LBHD1: variants seen among roughly 807,000 people sequenced by gnomAD.
LBHD1 encodes the protein LBH domain containing 1, also known as LBH domain-containing protein 1.
LBHD1 carries 28 observed loss-of-function variants against 31.1 expected under a neutral mutation model. The observed-to-expected ratio is 0.90, with a 90% CI of 0.67 to 1.24. The LOEUF (loss-of-function observed/expected upper bound fraction) is 1.24, where lower values mean the gene tolerates loss of function less well. Among genes scored for constraint, LBHD1 ranks in the 50% most tolerant of loss-of-function variants. The pLI, the probability that LBHD1 is intolerant of heterozygous loss-of-function variation, is 0.00. For missense variants in LBHD1, 350 were observed against 323.0 expected, an observed-to-expected ratio of 1.08 and a Z score of -0.64; for synonymous variants, 105 against 116.5, an observed-to-expected ratio of 0.90 and a Z score of 0.63.
At position 62,667,595 on chromosome 11, in the gene LBHD1, A is replaced by T. The variant is rs1237842935; in HGVS notation, c.466T>A (p.Ser156Thr). 1 of 1,614,162 alleles carries T rather than the reference A, an allele frequency of 6.2e-7. No individual in the cohort carries two copies. Among genetic ancestry groups the T allele is most frequent in the Admixed American group, 1.7e-5 (1 of 60,004 alleles). ...EATNHCPFWDSTGSRVCRSGF... is the reference protein window; with the variant it reads ...EATNHCPFWDTTGSRVCRSGF... Reference sequence around the variant, plus strand: ...CTTCTACAAACACGGGAGCCTGTTGAGTCCCAGAAGGGACAGTGGTTGGTG... The same window carrying T: ...CTTCTACAAACACGGGAGCCTGTTGTGTCCCAGAAGGGACAGTGGTTGGTG... Residue 156 changes from serine to threonine, a missense_variant, in exon 4 of 7, where the codon TCA (serine) becomes ACA (threonine). Ser to Thr is a moderately conservative substitution (Grantham distance 58). Coordinates refer to ENST00000354588, the MANE Select transcript of LBHD1 (RefSeq NM_024099.5).
rs750641923 is a variant in LBHD1 at position 62,666,748 on chromosome 11, C to T, written c.538+775G>A. 8.7e-6 allele frequency: 14 copies of T among 1,614,070 alleles called. No individual in the cohort carries two copies. In the Admixed American group the frequency reaches 1.5e-4, roughly 17 times the overall value. On this transcript the variant is annotated intron_variant, in intron 4 of 6. Coordinates refer to ENST00000354588, the MANE Select transcript of LBHD1 (RefSeq NM_024099.5). ...GACACCCTGCCTCAAGCCTCCACTT[C>T]ATGCACGCCGATGCTCAGAACCTGG...
chr11:62,671,679 A>G lies in LBHD1; in HGVS notation c.-126T>C, dbSNP rs1301478358. 4 of 1,595,384 alleles carry G rather than the reference A, an allele frequency of 2.5e-6. No individual in the cohort carries two copies. The highest frequency in any genetic ancestry group is 1.7e-5 in the Admixed American group (1 of 58,832). ...CTAGCCTGCGCCAAGGGGTAGTGAG[A>G]CCGCGCGGCAACAGCTTGCGGCTGC... On this transcript the variant is annotated 5_prime_UTR_variant, in exon 1 of 7. Transcript: ENST00000354588.
intron 5 of LBHD1, among the ~76,000 whole-genome samples, chr11:62,664,557 C>T (rs977344455): frequency 1.3e-5 from 2 of 152,020 alleles, no homozygotes; most frequent in African/African-American, 4.8e-5. Context: ...TCTCGAACTC[C>T]CGACCTCAGG....
In LBHD1 at chr11:62,672,081, C is replaced by A; in HGVS notation, c.-528G>T. The A allele has an allele frequency of 1.3e-6, 2 of 1,598,286 alleles. No homozygotes were observed. Among genetic ancestry groups the A allele is most frequent in the East Asian group, 2.3e-5 (1 of 44,326 alleles). ...CCTGGAGGAAGAACTGGATGGTTGG[C>A]GGCGAAGGCGGCGCCGGCGGGAGGT... On this transcript the variant is annotated 5_prime_UTR_variant, in exon 1 of 7. Transcript: ENST00000354588.
chr11:62,667,166 T>C (rs1944842832), intron 4 of LBHD1: 1 of 1,087,854 alleles, frequency 9.2e-7, no homozygotes, highest in South Asian at 1.6e-5. Context: ...CTTCCACATT[T>C]ACTAGCTGGG....
chr11:62,666,906 C>T lies in LBHD1; in HGVS notation c.538+617G>A, dbSNP rs1399341376. 4 of 1,613,830 alleles carry T rather than the reference C, an allele frequency of 2.5e-6. No homozygotes were observed. In the East Asian group the frequency reaches 8.9e-5, roughly 36 times the overall value. ...TTGAGGGTTCTAAACCCTCAGGGGA[C>T]CCTGATTCAGTTCTCAGATGAGGAC... On this transcript the variant is annotated intron_variant, in intron 4 of 6. Coordinates refer to ENST00000354588, the MANE Select transcript of LBHD1 (RefSeq NM_024099.5).
chr11:62,663,336 G>C lies in LBHD1; in HGVS notation c.664-3C>G. ...TAATGTTGGCACGTGCACTGGACCT[G>C]ATGGGTAAGTGGAAATAAAGAGAGC... On this transcript the variant is annotated splice_polypyrimidine_tract_variant and splice_region_variant and intron_variant, in intron 5 of 6. Transcript: ENST00000354588. The C allele has an allele frequency of 1.2e-6, 2 of 1,613,164 alleles. No homozygotes were observed. Among genetic ancestry groups the C allele is most frequent in the Non-Finnish European group, 1.7e-6 (2 of 1,179,560 alleles).
intron 4 of LBHD1, chr11:62,665,492 C>G (rs975118350): frequency 1.3e-6 from 2 of 1,573,944 alleles, no homozygotes; most frequent in East Asian, 4.6e-5. Flanking sequence ...AGGGAAAGGG[C>G]TCTGGCCCCC....
chr11:62,668,952 A>T (rs1410554081), intron 3 of LBHD1, among the ~76,000 whole-genome samples: 4 of 151,786 alleles, frequency 2.6e-5, no homozygotes, highest in Admixed American at 2.0e-4. Flanking sequence ...TTTTTGAGGC[A>T]GAATCTGGCT....
chr11:62,666,091 T>A, intron 4 of LBHD1: 1 of 982,866 alleles, frequency 1.0e-6, no homozygotes, highest in Non-Finnish European at 1.5e-6. Flanking sequence ...CTCACGGCTG[T>A]AATGCTAACA....
chr11:62,666,446 C>T (rs1281940608), intron 4 of LBHD1: 1 of 1,613,146 alleles, frequency 6.2e-7, no homozygotes, highest in Non-Finnish European at 8.5e-7. Flanking sequence ...GGATCGGCTG[C>T]ATGCCCAGCC....
chr11:62,664,823 C>T, intron 5 of LBHD1, 26 bp downstream of exon 5: 2 of 1,554,208 alleles, frequency 1.3e-6, no homozygotes, highest in Middle Eastern at 2.0e-4. Flanking sequence ...TGGGGACGAC[C>T]AACAGGAAGA....
rs529098314 is a variant in LBHD1, at chr11:62,663,766, T to C, written c.664-433A>G. The stretch of plus-strand genomic sequence containing the variant: ...GTAATAGAAACCCTAAATATTTACA[T>C]TGAAGAAGCTAATGAAAGGACATAG... On this transcript the variant is annotated intron_variant, in intron 5 of 6. Coordinates refer to ENST00000354588, the MANE Select transcript of LBHD1 (RefSeq NM_024099.5). 1.1e-4 allele frequency among the ~76,000 whole-genome samples: 16 copies of C among 150,056 alleles called. No homozygotes were observed. The South Asian group carries it at 1.3e-3, about 12-fold the overall frequency.
intron 4 of LBHD1, chr11:62,665,701 T>C: frequency 6.8e-7 from 1 of 1,460,326 alleles, no homozygotes. Context: ...ATAAAGGCCG[T>C]TCCTACCATA....
At position 62,672,172 on chromosome 11, in the gene LBHD1, G is replaced by T; in HGVS notation, c.-619C>A. 3.3e-6 allele frequency: 5 copies of T among 1,505,640 alleles called. No homozygotes were observed. The South Asian group carries it at 4.9e-5, about 15-fold the overall frequency. 93.3% of individuals were successfully genotyped at this position (1,505,640 alleles called of 1,614,324 possible). On this transcript the variant is annotated 5_prime_UTR_variant, in exon 1 of 7. The change creates a new upstream start codon in the 5' untranslated region. Coordinates refer to ENST00000354588, the MANE Select transcript of LBHD1 (RefSeq NM_024099.5). ...GGCTTGGGCGCAGGAATCCGAGGCA[G>T]CCTTTCTCCTTCGTGGGCCCAGCGG...
intron 4 of LBHD1, chr11:62,665,840 T>C (rs755354386): frequency 1.2e-6 from 2 of 1,606,288 alleles, no homozygotes; most frequent in Non-Finnish European, 1.7e-6. Flanking sequence ...GGTGGACGCT[T>C]CACATAAGCT....
chr11:62,666,502 C>A (rs570436114), intron 4 of LBHD1: 1 of 1,614,088 alleles, frequency 6.2e-7, no homozygotes, highest in East Asian at 2.2e-5. Context: ...TTGGATACGA[C>A]GAAGTCCAGG....
Position 62,666,297 on chromosome 11 carries a change from G to A in LBHD1, c.538+1226C>T, listed in dbSNP as rs138405387. 186 of 1,260,944 alleles carry A rather than the reference G, an allele frequency of 1.5e-4. 1 individual carries two copies. In the African/African-American group the frequency reaches 2.5e-3, roughly 17 times the overall value. 78.1% of individuals were successfully genotyped at this position (1,260,944 alleles called of 1,614,324 possible). On this transcript the variant is annotated intron_variant, in intron 4 of 6. Transcript: ENST00000354588. ...TGTACTCAACCCTGGGTCACAGAGT[G>A]AGACCCTGTCTCAAAAAAAAAAAAG...
intron 5 of LBHD1, 48 bp from the exon 6 acceptor site, chr11:62,663,381 T>C: frequency 1.3e-6 from 2 of 1,569,316 alleles, no homozygotes; most frequent in East Asian, 2.2e-5. Context: ...CTGAACCAAC[T>C]GAGGTCACAC....
Sources: gnomAD v4.1 joint callset for allele counts (sites outside exome capture counted in the v4.1 genomes callset) on GRCh38, gnomAD v4.1.1 for gene constraint, MANE v1.5 for transcripts, NCBI Gene and HGNC (gene_info 2026-07-23, HGNC 2026-07-21) for gene names.